The following ABTB3 variants were observed in gnomAD, a reference collection of about 807,000 sequenced individuals.
ABTB3 encodes ankyrin repeat and BTB domain containing 3, also known as ankyrin repeat- and BTB/POZ domain-containing protein 3.
At chr12:107,447,600 A>T in the ABTB3 span, among the ~76,000 whole-genome samples, 1 of 152,216 alleles carries the variant, frequency 6.6e-6, no homozygotes, top group Non-Finnish European at 1.5e-5. Context: ...TGCAACTGGG[A>T]TGTTTCAAGC....
At chr12:107,438,746 A>C in the ABTB3 span, among the ~76,000 whole-genome samples, 1 of 152,198 alleles carries the variant, frequency 6.6e-6, no homozygotes, top group East Asian at 1.9e-4. Context: ...TTTGCGCTGA[A>C]GATGCGATGC....
chr12:107,334,869 T>A, the ABTB3 span, among the ~76,000 whole-genome samples: 1 of 152,054 alleles, frequency 6.6e-6, no homozygotes, highest in Non-Finnish European at 1.5e-5. Flanking sequence ...AGATAGTGTG[T>A]CCCCAAGGAG....
chr12:107,468,546 G>A, the ABTB3 span, among the ~76,000 whole-genome samples: 7 of 152,154 alleles, frequency 4.6e-5, no homozygotes, highest in Non-Finnish European at 8.8e-5. Context: ...AAGATCCACT[G>A]TGGTTGAGGC....
chr12:107,407,154 TCA>T, the ABTB3 span, among the ~76,000 whole-genome samples: 1 of 152,190 alleles, frequency 6.6e-6, no homozygotes, highest in Non-Finnish European at 1.5e-5. Flanking sequence ...ACTCTGAGCC[TCA>T]GTTTGCTCAT....
At chr12:107,434,728 G>T in the ABTB3 span, among the ~76,000 whole-genome samples, 1 of 152,060 alleles carries the variant, frequency 6.6e-6, no homozygotes, top group Non-Finnish European at 1.5e-5. Flanking sequence ...GCAGGTCATG[G>T]TGGTGTTCAC....
At chr12:107,487,724 G>GCA in the ABTB3 span, among the ~76,000 whole-genome samples, 2 of 152,068 alleles carry the variant, frequency 1.3e-5, no homozygotes, top group African/African-American at 4.8e-5. Context: ...CTATATTTTT[G>GCA]CACACACAAA....
chr12:107,581,501 C>T, the ABTB3 span, among the ~76,000 whole-genome samples: 15 of 152,300 alleles, frequency 9.8e-5, no homozygotes, highest in Admixed American at 9.8e-4. Context: ...GTTGAAAGAA[C>T]GCGGCGAGGC....
the ABTB3 span, among the ~76,000 whole-genome samples, chr12:107,463,535 C>T: frequency 2.0e-5 from 3 of 152,086 alleles, no homozygotes; most frequent in African/African-American, 4.8e-5. Context: ...CAAGGCACAG[C>T]GGGGTTAAGC....
chr12:107,508,434 A>ATTTTTTTTTTTTTTTTTTTTTTTTT, the ABTB3 span, among the ~76,000 whole-genome samples: 4 of 58,712 alleles, frequency 6.8e-5, no homozygotes, highest in Admixed American at 1.9e-4. Context: ...CTCAAAGATC[A>ATTTTTTTTTTTTTTTTTTTTTTTTT]TTTCTTTTTT....
chr12:107,397,960 G>A, the ABTB3 span, among the ~76,000 whole-genome samples: 7 of 151,910 alleles, frequency 4.6e-5, no homozygotes, highest in African/African-American at 1.5e-4. Flanking sequence ...TTTTCTCTTC[G>A]CCTGGATAGG....
the ABTB3 span, among the ~76,000 whole-genome samples, chr12:107,373,334 G>A: frequency 1.2e-4 from 19 of 152,108 alleles, no homozygotes; most frequent in African/African-American, 4.6e-4. Flanking sequence ...GGTGGTGCCT[G>A]TAGGAAAATA....
the ABTB3 span, among the ~76,000 whole-genome samples, chr12:107,656,169 C>T: frequency 3.3e-5 from 5 of 151,198 alleles, no homozygotes; most frequent in Non-Finnish European, 7.4e-5. Flanking sequence ...GACATGGTGG[C>T]GCACACCTCT....
chr12:107,635,938 G>C, the ABTB3 span, among the ~76,000 whole-genome samples: 1 of 144,518 alleles, frequency 6.9e-6, no homozygotes, highest in African/African-American at 2.6e-5. Context: ...GAGCGGCAGA[G>C]GCTGGATGCT....
At chr12:107,617,274 A>G in the ABTB3 span, 1 of 1,614,112 alleles carries the variant, frequency 6.2e-7, no homozygotes, top group Admixed American at 1.7e-5. Context: ...TTATTCTCTT[A>G]TAAAACCCCC....
chr12:107,322,708 C>T, the ABTB3 span, among the ~76,000 whole-genome samples: 2 of 151,860 alleles, frequency 1.3e-5, no homozygotes, highest in Non-Finnish European at 2.9e-5. Context: ...CCCATTTGAT[C>T]CCCAGTACCC....
chr12:107,635,861 C>G, the ABTB3 span, among the ~76,000 whole-genome samples: 2 of 86,438 alleles, frequency 2.3e-5, no homozygotes, highest in Admixed American at 1.1e-4. Flanking sequence ...CCCCCCCCCC[C>G]CCACCCACCC....
chr12:107,401,447 C>T, the ABTB3 span, among the ~76,000 whole-genome samples: 4 of 152,232 alleles, frequency 2.6e-5, no homozygotes, highest in Admixed American at 6.5e-5. Context: ...TCCCAAGTGG[C>T]GGGATGGGGG....
the ABTB3 span, among the ~76,000 whole-genome samples, chr12:107,623,343 G>A: frequency 5.2e-5 from 7 of 134,988 alleles, no homozygotes; most frequent in Non-Finnish European, 9.3e-5. Context: ...ACAGGTGTGA[G>A]CCACCACGCC....
At chr12:107,444,474 A>G in the ABTB3 span, among the ~76,000 whole-genome samples, 109 of 152,352 alleles carry the variant, frequency 7.2e-4, 1 homozygote, top group East Asian at 0.017. Context: ...TAGATGCTGA[A>G]AAAAGATCGT....
Sources: gnomAD v4.1 joint callset for allele counts (sites outside exome capture counted in the v4.1 genomes callset) on GRCh38, gnomAD v4.1.1 for gene constraint, MANE v1.5 for transcripts, NCBI Gene and HGNC (gene_info 2026-07-23, HGNC 2026-07-21) for gene names.